LYRM4: variants seen among roughly 807,000 people sequenced by gnomAD.
The protein encoded by LYRM4 is LYR motif-containing protein 4.
A neutral mutation model predicts 11.7 loss-of-function variants in LYRM4; 9 were observed. The observed-to-expected ratio is 0.77, with a 90% CI of 0.46 to 1.34. The LOEUF is 1.34. LYRM4 is among the 40% of genes most tolerant of loss of function. The pLI is 0.00. For missense variants in LYRM4, 133 were observed against 112.5 expected (o/e 1.18, Z -0.82); for synonymous variants, 42 against 40.4 (o/e 1.04, Z -0.15).
chr6:5,122,413 ACT>A (rs1763499249), intron 2 of LYRM4, among the ~76,000 whole-genome samples: 1 of 152,130 alleles, frequency 6.6e-6, no homozygotes, highest in African/African-American at 2.4e-5. Flanking sequence ...GAAATGCAAC[ACT>A]CAGAACTGGA....
intron 1 of LYRM4, among the ~76,000 whole-genome samples, chr6:5,232,638 T>C (rs898492389): frequency 6.6e-6 from 1 of 152,228 alleles, no homozygotes; most frequent in South Asian, 2.1e-4. Context: ...AGTATGTAGA[T>C]ACCAGGTTGC....
chr6:5,230,551 T>C (rs559805997), intron 1 of LYRM4, among the ~76,000 whole-genome samples: 53 of 152,340 alleles, frequency 3.5e-4, no homozygotes, highest in African/African-American at 1.2e-3. Context: ...TTTAAAATTA[T>C]AGTGTGAACC....
chr6:5,218,299 CA>C, intron 1 of LYRM4: 4 of 985,210 alleles, frequency 4.1e-6, no homozygotes, highest in Non-Finnish European at 4.8e-6. Flanking sequence ...TATTTAGCAA[CA>C]GAAGAATGGA....
intron 2 of LYRM4, chr6:5,136,271 C>T: frequency 1.0e-6 from 1 of 982,376 alleles, no homozygotes; most frequent in Non-Finnish European, 1.2e-6. Flanking sequence ...ATCACTAGAT[C>T]ATTTGGTCAT....
intron 2 of LYRM4, among the ~76,000 whole-genome samples, chr6:5,187,394 T>C (rs978258795): frequency 2.6e-5 from 4 of 152,222 alleles, no homozygotes; most frequent in African/African-American, 7.2e-5. Context: ...CTGAAATCAA[T>C]GTAAACGTCC....
At chr6:5,086,054 T>A in the LYRM4 span, 53 of 1,478,916 alleles carry the variant, frequency 3.6e-5, no homozygotes, top group Admixed American at 1.6e-4. Context: ...GCCGCGCCCC[T>A]TTCAGCGCCG....
chr6:5,230,846 C>T (rs1440004748), intron 1 of LYRM4, among the ~76,000 whole-genome samples: 2 of 152,214 alleles, frequency 1.3e-5, no homozygotes, highest in East Asian at 3.8e-4. Context: ...TATCAGTCAT[C>T]TACCTTCTTC....
At chr6:5,197,152 G>T (rs902093390) in intron 2 of LYRM4, among the ~76,000 whole-genome samples, 2 of 152,120 alleles carry the variant, frequency 1.3e-5, no homozygotes, top group Middle Eastern at 3.2e-3. Flanking sequence ...CTAGTCAACA[G>T]GAATATCTAA....
chr6:5,109,380 G>A lies in LYRM4; in HGVS notation c.*43C>T, dbSNP rs542186144. Reference sequence around the variant, plus strand: ...CCATCTCAAACAGAGAGTGGATGCTGAAGGTGGTCCCTGGCCGCCACTGGT... The same window carrying A: ...CCATCTCAAACAGAGAGTGGATGCTAAAGGTGGTCCCTGGCCGCCACTGGT... On this transcript the variant is annotated 3_prime_UTR_variant, in exon 3 of 3. Transcript: ENST00000330636. 1 of 1,613,030 alleles carries A rather than the reference G, an allele frequency of 6.2e-7. No homozygotes were observed. The highest frequency in any genetic ancestry group is 2.2e-5 in the East Asian group (1 of 44,846).
rs1186637211 is a variant in LYRM4 at position 5,245,150 on chromosome 6, AT to A, written c.86+15497del. Among the ~76,000 whole-genome samples, 50 of 103,858 alleles carry A rather than the reference AT, an allele frequency of 4.8e-4. 1 individual carries two copies. The highest frequency in any genetic ancestry group is 8.2e-4 in the African/African-American group (23 of 28,210). The allele number at this position is 103,858 out of a possible 152,430, so 68.1% of individuals were successfully genotyped here. A position where few individuals can be genotyped will look rare whatever the true frequency, so the allele number is the denominator to read the frequency against. On this transcript the variant is annotated intron_variant, in intron 1 of 2. Transcript: ENST00000330636. ...TATATATATATATATATATATATAT[AT>A]ATATATATATATAAAATAGGTGAAT...
At chr6:5,034,153 C>A in the LYRM4 span, 3 of 152,314 alleles carry the variant, frequency 2.0e-5, no homozygotes, top group Admixed American at 6.5e-5. Context: ...AATACCTGTG[C>A]TGGATGAGGT....
At chr6:5,166,305 C>T (rs1245696073) in intron 2 of LYRM4, among the ~76,000 whole-genome samples, 1 of 152,186 alleles carries the variant, frequency 6.6e-6, no homozygotes, top group African/African-American at 2.4e-5. Flanking sequence ...TAAGAAAGCA[C>T]AGAAGTTACC....
the LYRM4 span, chr6:5,066,623 C>CA: frequency 8.3e-7 from 1 of 1,205,608 alleles, no homozygotes; most frequent in Non-Finnish European, 1.2e-6. Context: ...CAAGGGCAAC[C>CA]ACTTTGGCAC....
chr6:5,053,973 T>G, the LYRM4 span: 1 of 196,590 alleles, frequency 5.1e-6, no homozygotes. Context: ...TTCTACAAAT[T>G]CTGAGAGTAA....
intron 2 of LYRM4, among the ~76,000 whole-genome samples, chr6:5,196,078 T>A (rs1011293518): frequency 2.0e-5 from 3 of 152,108 alleles, no homozygotes; most frequent in Non-Finnish European, 4.4e-5. Context: ...CATTCCCATC[T>A]CAGAGCTGAG....
intron 2 of LYRM4, among the ~76,000 whole-genome samples, chr6:5,152,837 G>A (rs961823573): frequency 6.6e-6 from 1 of 152,170 alleles, no homozygotes; most frequent in African/African-American, 2.4e-5. Flanking sequence ...CGCAGCAGAC[G>A]GCAACTCTTT....
At chr6:5,239,254 G>C (rs1030477127) in intron 1 of LYRM4, among the ~76,000 whole-genome samples, 5 of 152,188 alleles carry the variant, frequency 3.3e-5, no homozygotes, top group Admixed American at 6.5e-5. Context: ...AGTAAGGGGA[G>C]AAAGTGAAGT....
the LYRM4 span, among the ~76,000 whole-genome samples, chr6:5,090,888 T>C: frequency 6.6e-6 from 1 of 152,214 alleles, no homozygotes; most frequent in Admixed American, 6.5e-5. The surrounding 1 kb of genome is among the most constrained non-coding windows in gnomAD (Gnocchi z 4.8). Context: ...CTGTGTTTCT[T>C]TGGAGCACTG....
At chr6:5,101,968 C>CTTTTTTTTTTTTTTTTTT (rs397826404), downstream of LYRM4, among the ~76,000 whole-genome samples, 202 of 67,932 alleles carry the variant, frequency 3.0e-3, 25 homozygotes, top group African/African-American at 5.1e-3. Context: ...CTAATGCTTT[C>CTTTTTTTTTTTTTTTTTT]TTTTTTTTTT....
Sources: gnomAD v4.1 joint callset for allele counts (sites outside exome capture counted in the v4.1 genomes callset) on GRCh38, gnomAD v4.1.1 for gene constraint, Gnocchi (gnomAD v3.1) non-coding constraint, MANE v1.5 for transcripts, NCBI Gene and HGNC (gene_info 2026-07-23, HGNC 2026-07-21) for gene names.